The following RSPH14 variants were observed in gnomAD, a reference collection of about 807,000 sequenced individuals.
RSPH14 encodes the protein radial spoke head 14 homolog.
In RSPH14, 20 loss-of-function variants were observed where a neutral mutation model predicts 26.7. That is an observed-to-expected ratio of 0.75 (90% CI 0.53 to 1.09). The LOEUF (loss-of-function observed/expected upper bound fraction) is 1.09. RSPH14 is among the 50% of genes least tolerant of loss of function. The pLI is 0.00. For synonymous variants in RSPH14, 177 were observed against 189.3 expected (o/e 0.93, Z 0.53); for missense variants, 449 against 457.2 (o/e 0.98, Z 0.16).
intron 4 of RSPH14, among the ~76,000 whole-genome samples, chr22:23,101,004 C>T (rs1383415952): frequency 2.0e-5 from 3 of 152,116 alleles, no homozygotes; most frequent in African/African-American, 4.8e-5. Flanking sequence ...CATAAAATGG[C>T]GTGTTGTGGG....
At chr22:23,180,002 C>T in the RSPH14 span, 2 of 342,930 alleles carry the variant, frequency 5.8e-6, no homozygotes, top group Non-Finnish European at 1.1e-5. Context: ...GCCTCTGACA[C>T]GACGACTGGG....
chr22:23,091,531 CCTA>C (rs1036993326), intron 4 of RSPH14, among the ~76,000 whole-genome samples: 7 of 151,400 alleles, frequency 4.6e-5, no homozygotes, highest in African/African-American at 1.7e-4. Context: ...CCGCAATAGA[CCTA>C]CACACACACA....
intron 3 of RSPH14, among the ~76,000 whole-genome samples, chr22:23,138,079 T>C (rs549570229): frequency 3.9e-5 from 6 of 152,282 alleles, no homozygotes; most frequent in Non-Finnish European, 5.9e-5. Flanking sequence ...TCAGCCATCA[T>C]GAACAGGAAG....
At chr22:23,109,890 T>C (rs1033437826) in intron 4 of RSPH14, among the ~76,000 whole-genome samples, 1 of 152,200 alleles carries the variant, frequency 6.6e-6, no homozygotes, top group Non-Finnish European at 1.5e-5. Flanking sequence ...TCTCAGTTCC[T>C]GAGGCTGGCC....
the RSPH14 span, among the ~76,000 whole-genome samples, chr22:23,177,789 C>T: frequency 2.7e-4 from 41 of 152,270 alleles, no homozygotes; most frequent in African/African-American, 9.6e-4. Flanking sequence ...CATGCAAACT[C>T]AAACTAAACA....
chr22:23,150,687 T>C, the RSPH14 span, among the ~76,000 whole-genome samples: 2 of 152,202 alleles, frequency 1.3e-5, no homozygotes, highest in African/African-American at 4.8e-5. Context: ...AGGTGATTTT[T>C]CAGCCTCAGG....
the RSPH14 span, among the ~76,000 whole-genome samples, chr22:23,151,706 G>A: frequency 2.6e-5 from 4 of 152,284 alleles, no homozygotes; most frequent in East Asian, 1.9e-4. Context: ...GCAACACAGC[G>A]AGACCCTGTC....
chr22:23,161,105 C>T, the RSPH14 span: 1 of 1,348,962 alleles, frequency 7.4e-7, no homozygotes, highest in Non-Finnish European at 1.0e-6. Context: ...AACTTGTGGC[C>T]CTCTCCTGTC....
At chr22:23,147,736 A>C (rs2070874421), upstream of RSPH14, among the ~76,000 whole-genome samples, 1 of 152,240 alleles carries the variant, frequency 6.6e-6, no homozygotes, top group Non-Finnish European at 1.5e-5. Context: ...AGAAGATAAG[A>C]TACAACGTAA....
At chr22:23,133,156 T>C (rs183046488) in intron 4 of RSPH14, among the ~76,000 whole-genome samples, 14 of 152,362 alleles carry the variant, frequency 9.2e-5, no homozygotes, top group African/African-American at 3.4e-4. Context: ...AGGGTGTTCA[T>C]AGCCACTCTA....
In RSPH14 at chr22:23,059,704, G is replaced by A; in HGVS notation, c.805C>T (p.Leu269=). Residue 269 remains leucine, a synonymous_variant, in exon 7 of 7, where the codon CTG becomes TTG. Transcript: ENST00000216036. The stretch of plus-strand genomic sequence containing the variant: ...AGCAGGCCGATGGCTTGTGCCTCCA[G>A]GGCCGCATACTTCCCTGCAGGCCAC... ...TVITEGKYAA[L]EAQAIGLLLE... is the part of the protein sequence containing the mutation. 6.5e-7 allele frequency: 1 copy of A among 1,537,326 alleles called. No homozygotes were observed. Among genetic ancestry groups the A allele is most frequent in the Non-Finnish European group, 8.7e-7 (1 of 1,143,688 alleles).
the RSPH14 span, chr22:23,153,600 C>A: frequency 1.0e-6 from 1 of 985,160 alleles, no homozygotes; most frequent in Admixed American, 6.2e-5. Flanking sequence ...ACACAGCACC[C>A]ACATCCTTCC....
At chr22:23,152,185 G>A in the RSPH14 span, among the ~76,000 whole-genome samples, 2 of 152,170 alleles carry the variant, frequency 1.3e-5, no homozygotes, top group Admixed American at 6.5e-5. Context: ...CCTGTGACTC[G>A]GCCTCTTGTT....
intron 4 of RSPH14, among the ~76,000 whole-genome samples, chr22:23,115,254 C>T (rs1266667433): frequency 6.6e-6 from 1 of 152,176 alleles, no homozygotes; most frequent in Admixed American, 6.5e-5. Flanking sequence ...CCGGGGGCCC[C>T]TCACCTGGCT....
intron 4 of RSPH14, among the ~76,000 whole-genome samples, chr22:23,127,859 C>T (rs2070223642): frequency 6.6e-6 from 1 of 152,230 alleles, no homozygotes; most frequent in Non-Finnish European, 1.5e-5. Context: ...CCCAGTTCTC[C>T]TTTCCAAGGT....
intron 3 of RSPH14, among the ~76,000 whole-genome samples, chr22:23,137,652 G>A (rs991803689): frequency 2.0e-5 from 3 of 152,086 alleles, no homozygotes; most frequent in Non-Finnish European, 2.9e-5. Flanking sequence ...CCCCAAGGCA[G>A]TCAGCACCTT....
the RSPH14 span, among the ~76,000 whole-genome samples, chr22:23,166,719 T>A: frequency 1.3e-5 from 2 of 151,970 alleles, no homozygotes; most frequent in African/African-American, 4.8e-5. Flanking sequence ...TCACACGATG[T>A]TGTTAACTGG....
At chr22:23,174,381 G>A in the RSPH14 span, among the ~76,000 whole-genome samples, 1 of 151,830 alleles carries the variant, frequency 6.6e-6, no homozygotes, top group African/African-American at 2.4e-5. Flanking sequence ...TCCAGCATGG[G>A]TCACAGAGCG....
At chr22:23,063,770 C>T in intron 5 of RSPH14, 132 bp downstream of exon 5, 1 of 772,958 alleles carries the variant, frequency 1.3e-6, no homozygotes, top group Non-Finnish European at 2.1e-6. Flanking sequence ...TCTGTCCCAG[C>T]TCCCTCCTAC....
Sources: allele counts gnomAD v4.1 joint callset (sites outside exome capture counted in the v4.1 genomes callset), GRCh38; gene constraint gnomAD v4.1.1; transcripts MANE v1.5; gene names NCBI Gene and HGNC (gene_info 2026-07-23, HGNC 2026-07-21).